The following POLR2C variants were observed in gnomAD, a reference collection of about 807,000 sequenced individuals.
POLR2C encodes the protein DNA-directed RNA polymerase II subunit RPB3.
A neutral mutation model predicts 41.7 loss-of-function variants in POLR2C; 36 were observed. The ratio of observed to expected loss-of-function variants is 0.86; its 90% CI spans 0.66 to 1.14. The LOEUF (loss-of-function observed/expected upper bound fraction) is 1.14, where lower values mean the gene tolerates loss of function less well. Among genes scored for constraint, POLR2C ranks in the 50% most tolerant of loss-of-function variants. The probability of loss-of-function intolerance (pLI) is 0.00; values close to 1 mark genes in which losing one functional copy is unlikely to be tolerated. For synonymous variants in POLR2C, 133 were observed against 137.8 expected (o/e 0.96, Z 0.25); for missense variants, 260 against 350.4 (o/e 0.74, Z 2.06).
rs755267772 is a variant in POLR2C, at chr16:57,469,754, G to A, written c.432G>A (p.Glu144=). ...NRDNDPNDYV[E]QDDILIVKLR... The stretch of plus-strand genomic sequence containing the variant: ...ATAATGACCCCAATGACTACGTGGA[G>A]CAGGATGGTAAGTCTTCCTGACCTG... The change falls in exon 6 of 9, where the codon GAG becomes GAA. Residue 144 remains glutamate (E), a synonymous_variant. Transcript: ENST00000219252. The surrounding 1 kb of genome is among the most constrained non-coding windows in gnomAD (Gnocchi z 5.8). 1.4e-5 allele frequency: 22 copies of A among 1,613,930 alleles called. No homozygotes were observed. The South Asian group carries it at 2.4e-4, about 18-fold the overall frequency.
chr16:57,471,492 G>A lies in POLR2C; in HGVS notation c.*373G>A. 1 of 179,472 alleles carries A rather than the reference G, an allele frequency of 5.6e-6. No individual in the cohort carries two copies. The highest frequency in any genetic ancestry group is 1.2e-5 in the Non-Finnish European group (1 of 84,964). 11.1% of individuals were successfully genotyped at this position (179,472 alleles called of 1,614,324 possible). A position where few individuals can be genotyped will look rare whatever the true frequency, so the allele number is the denominator to read the frequency against. Reference sequence around the variant, plus strand: ...ATGAGTCATTTTCAGTTGTACCTTAGATGTCTGGTGTTGAGGATCAAGTGC... The same window carrying A: ...ATGAGTCATTTTCAGTTGTACCTTAAATGTCTGGTGTTGAGGATCAAGTGC... On this transcript the variant is annotated 3_prime_UTR_variant, in exon 9 of 9. Coordinates refer to ENST00000219252, the MANE Select transcript of POLR2C (RefSeq NM_032940.3).
chr16:57,470,182 A>G, intron 7 of POLR2C, 53 bp downstream of exon 7: 1 of 1,599,442 alleles, frequency 6.3e-7, no homozygotes, highest in Non-Finnish European at 8.5e-7. Context: ...GTGGCATAGA[A>G]ATGGCTGTTG....
chr16:57,466,472 G>T (rs1347672210), intron 4 of POLR2C, among the ~76,000 whole-genome samples: 1 of 152,214 alleles, frequency 6.6e-6, no homozygotes, highest in Non-Finnish European at 1.5e-5. Flanking sequence ...TTTATACTTA[G>T]AGTGGAGGTT....
Position 57,469,444 on chromosome 16 carries a change from A to G in POLR2C, c.387+151A>G. On this transcript the variant is annotated intron_variant, in intron 5 of 8. Coordinates refer to ENST00000219252, the MANE Select transcript of POLR2C (RefSeq NM_032940.3). The surrounding 1 kb of genome is among the most constrained non-coding windows in gnomAD (Gnocchi z 5.8). Reference sequence around the variant, plus strand: ...TGATCCCTAGAAGTGCTAATTCTGGATTCCTCTTGGGCATCGTTAGCATCG... The same window carrying G: ...TGATCCCTAGAAGTGCTAATTCTGGGTTCCTCTTGGGCATCGTTAGCATCG... The G allele has an allele frequency of 5.6e-6, 5 of 891,476 alleles. No homozygotes were observed. In the South Asian group the frequency reaches 7.1e-5, roughly 13 times the overall value. 55.2% of individuals were successfully genotyped at this position (891,476 alleles called of 1,614,324 possible).
chr16:57,466,707 C>T (rs1194897116), intron 4 of POLR2C, among the ~76,000 whole-genome samples: 1 of 152,110 alleles, frequency 6.6e-6, no homozygotes, highest in Non-Finnish European at 1.5e-5. Context: ...TCCTCCTGGT[C>T]GTGTTTGCTC....
chr16:57,469,212 C>T lies in POLR2C; in HGVS notation c.306C>T (p.Thr102=). Residue 102 remains threonine (T), a synonymous_variant, in exon 5 of 9, where the codon ACC becomes ACT. Coordinates refer to ENST00000219252, the MANE Select transcript of POLR2C (RefSeq NM_032940.3). This position sits in a 1 kb window ranked among gnomAD's most constrained non-coding sequence, Gnocchi z 5.8. ...EFCPECSVEF[T]LDVRCNEDQT... ...GCCCCGAGTGCTCGGTGGAGTTCAC[C>T]CTCGATGTGCGGTGCAATGAAGACC... The T allele has an allele frequency of 6.2e-7, 1 of 1,614,134 alleles. No homozygotes were observed.
In POLR2C at chr16:57,463,053, C is replaced by A; in HGVS notation, c.111C>A (p.Val37=). ...DLAVANSIRR[V]FIAEVPIIAI... is the part of the protein sequence containing the mutation. ...GGGTGGCCAATTCGATTCGGAGGGT[C>A]TTCATCGCTGAGGTTCCCATAATAG... Residue 37 remains valine (V), a synonymous_variant, in exon 2 of 9, where the codon GTC becomes GTA. Transcript: ENST00000219252. The A allele has an allele frequency of 1.2e-6, 2 of 1,610,748 alleles. No homozygotes were observed. The highest frequency in any genetic ancestry group is 2.2e-5 in the East Asian group (1 of 44,850).
rs149374652 is a variant in POLR2C, at chr16:57,470,088, C to T, written c.567C>T (p.Asp189=). The change falls in exon 7 of 9, where the codon GAC becomes GAT. Residue 189 remains aspartate, a synonymous_variant. Transcript: ENST00000219252. ...GGGTGGCTTTTGAATACGATCCAGA[C>T]AATGCCCTGAGGCACACAGTGTACC... ...TAGVAFEYDP[D]NALRHTVYPK... 2.0e-4 allele frequency: 320 copies of T among 1,614,160 alleles called. No individual in the cohort carries two copies. Among genetic ancestry groups the T allele is most frequent in the Non-Finnish European group, 2.6e-4 (304 of 1,180,018 alleles).
rs374235172 is a variant in POLR2C at position 57,463,087 on chromosome 16, C to A, written c.136+9C>A. 1.2e-5 allele frequency: 20 copies of A among 1,605,508 alleles called. No individual in the cohort carries two copies. In the African/African-American group the frequency reaches 1.9e-4, roughly 15 times the overall value. On this transcript the variant is annotated intron_variant, in intron 2 of 8. Coordinates refer to ENST00000219252, the MANE Select transcript of POLR2C (RefSeq NM_032940.3). ...TGAGGTTCCCATAATAGGTAAGCGA[C>A]TCCCCTTCCTCGTTCCCGCGCCCAC...
intron 4 of POLR2C, among the ~76,000 whole-genome samples, chr16:57,467,070 A>G (rs986858152): frequency 3.3e-5 from 5 of 152,130 alleles, no homozygotes; most frequent in South Asian, 2.1e-4. Context: ...TGTCTCTACT[A>G]AAAATACAAA....
At chr16:57,468,757 A>G (rs2030763474) in intron 4 of POLR2C, among the ~76,000 whole-genome samples, 1 of 152,162 alleles carries the variant, frequency 6.6e-6, no homozygotes, top group Admixed American at 6.5e-5. Flanking sequence ...GTTTTATTTT[A>G]AATGATGGTT....
chr16:57,469,948 C>T lies in POLR2C; in HGVS notation c.440-13C>T, dbSNP rs778823837. 5.0e-6 allele frequency: 8 copies of T among 1,609,900 alleles called. No individual in the cohort carries two copies. The highest frequency in any genetic ancestry group is 5.9e-6 in the Non-Finnish European group (7 of 1,178,906). On this transcript the variant is annotated splice_polypyrimidine_tract_variant and intron_variant, in intron 6 of 8. Transcript: ENST00000219252. The surrounding 1 kb of genome is among the most constrained non-coding windows in gnomAD (Gnocchi z 5.8). ...TCTCCTGGCCCTTGACTGACTTGTG[C>T]CTCTCCCTGCAGACATCCTCATCGT...
intron 8 of POLR2C, among the ~76,000 whole-genome samples, chr16:57,470,649 G>C: frequency 6.6e-6 from 1 of 152,192 alleles, no homozygotes; most frequent in East Asian, 1.9e-4. Flanking sequence ...TTGGACCCAA[G>C]TTCCACAGGG....
At chr16:57,462,931 C>A (rs2030610502) in intron 1 of POLR2C, 98 bp from the exon 2 acceptor site, 7 of 1,178,342 alleles carry the variant, frequency 5.9e-6, no homozygotes, top group South Asian at 2.8e-5. Context: ...TCCAGAGCTG[C>A]CCCCCTGCAC....
chr16:57,468,060 AGT>A (rs1335331481), intron 4 of POLR2C, among the ~76,000 whole-genome samples: 1 of 152,040 alleles, frequency 6.6e-6, no homozygotes, highest in Non-Finnish European at 1.5e-5. Flanking sequence ...CCCAGGCTAG[AGT>A]GCAGTGGCAT....
Position 57,469,032 on chromosome 16 carries a change from A to G in POLR2C, c.259-133A>G. 1.2e-6 allele frequency: 1 copy of G among 810,676 alleles called. No homozygotes were observed. The allele number at this position is 810,676 out of a possible 1,614,324, so 50.2% of individuals were successfully genotyped here. A position where few individuals can be genotyped will look rare whatever the true frequency, so the allele number is the denominator to read the frequency against. ...ATTGTCACAGCCCACAAGAACCTGG[A>G]TACTGATGAACCCCTTTTTACAGGT... is the stretch of plus-strand genomic sequence containing the variant. On this transcript the variant is annotated intron_variant, in intron 4 of 8. Coordinates refer to ENST00000219252, the MANE Select transcript of POLR2C (RefSeq NM_032940.3). This position sits in a 1 kb window ranked among gnomAD's most constrained non-coding sequence, Gnocchi z 5.8.
chr16:57,470,434 C>T lies in POLR2C; in HGVS notation c.683+80C>T, dbSNP rs144682188. On this transcript the variant is annotated intron_variant, in intron 8 of 8. Coordinates refer to ENST00000219252, the MANE Select transcript of POLR2C (RefSeq NM_032940.3). Reference sequence around the variant, plus strand: ...GTTCAGGCCGTGAGTTAGGCATTCCCTCTCCCCCACCTCGCAGTTCTCATA... The same window carrying T: ...GTTCAGGCCGTGAGTTAGGCATTCCTTCTCCCCCACCTCGCAGTTCTCATA... 177 of 996,564 alleles carry T rather than the reference C, an allele frequency of 1.8e-4. 1 individual carries two copies. The African/African-American group carries it at 2.6e-3, about 14-fold the overall frequency. 61.7% of individuals were successfully genotyped at this position (996,564 alleles called of 1,614,324 possible).
chr16:57,469,029 TG>T lies in POLR2C; in HGVS notation c.259-134del. ...CAGATTGTCACAGCCCACAAGAACC[TG>T]GATACTGATGAACCCCTTTTTACAG... On this transcript the variant is annotated intron_variant, in intron 4 of 8. Coordinates refer to ENST00000219252, the MANE Select transcript of POLR2C (RefSeq NM_032940.3). This position sits in a 1 kb window ranked among gnomAD's most constrained non-coding sequence, Gnocchi z 5.8. The T allele has an allele frequency of 1.3e-6, 1 of 793,686 alleles. No individual in the cohort carries two copies. Among genetic ancestry groups the T allele is most frequent in the South Asian group, 1.8e-5 (1 of 57,124 alleles). The allele number at this position is 793,686 out of a possible 1,614,324, so 49.2% of individuals were successfully genotyped here. A position where few individuals can be genotyped will look rare whatever the true frequency, so the allele number is the denominator to read the frequency against.
chr16:57,470,929 C>T (rs774142283), intron 8 of POLR2C, 46 bp from the exon 9 acceptor site: 34 of 1,598,352 alleles, frequency 2.1e-5, no homozygotes, highest in Middle Eastern at 1.7e-4. Context: ...GAGCTCGGGT[C>T]GGCCAGCCTG....
Sources: gnomAD v4.1 joint callset for allele counts (sites outside exome capture counted in the v4.1 genomes callset) on GRCh38, gnomAD v4.1.1 for gene constraint, Gnocchi (gnomAD v3.1) non-coding constraint, MANE v1.5 for transcripts, NCBI Gene and HGNC (gene_info 2026-07-23, HGNC 2026-07-21) for gene names.